Variants in LRRTM4 observed in about 807,000 individuals in gnomAD.
LRRTM4 encodes the protein leucine rich repeat transmembrane neuronal 4, also known as leucine-rich repeat transmembrane neuronal protein 4.
A neutral mutation model predicts 47.6 loss-of-function variants in LRRTM4; 25 were observed. The observed-to-expected ratio is 0.53, with a 90% confidence interval of 0.38 to 0.73. The LOEUF (loss-of-function observed/expected upper bound fraction) is 0.73. LRRTM4 is among the 30% of genes least tolerant of loss of function. The pLI, the probability that LRRTM4 is intolerant of heterozygous loss-of-function variation, is 0.00. For missense variants in LRRTM4, 638 were observed against 713.4 expected (o/e 0.89, Z 1.20); for synonymous variants, 311 against 269.5 (o/e 1.15, Z -1.51).
At chr2:77,046,240 T>C (rs975520968) in intron 3 of LRRTM4, among the ~76,000 whole-genome samples, 14 of 151,980 alleles carry the variant, frequency 9.2e-5, no homozygotes, top group Non-Finnish European at 1.8e-4. Flanking sequence ...CCTAAAAGAA[T>C]GGGTACTTAA....
chr2:77,332,217 T>G (rs1482555805), intron 3 of LRRTM4, among the ~76,000 whole-genome samples: 1 of 152,184 alleles, frequency 6.6e-6, no homozygotes, highest in African/African-American at 2.4e-5. Context: ...TTACTTGCAC[T>G]CTTTCCTCCA....
chr2:77,521,912 G>C (rs921788850), intron 1 of LRRTM4, 94 bp from the exon 2 acceptor site: 16 of 483,220 alleles, frequency 3.3e-5, no homozygotes, highest in Non-Finnish European at 4.8e-5. Context: ...AGGGTGGGAT[G>C]GTTGTGGGGG....
intron 3 of LRRTM4, among the ~76,000 whole-genome samples, chr2:76,944,597 G>C (rs1675261411): frequency 6.6e-6 from 1 of 152,034 alleles, no homozygotes; most frequent in Admixed American, 6.6e-5. Context: ...GGTATAAGGA[G>C]GTTCATCTAT....
In LRRTM4 at chr2:77,191,175, C is replaced by T. The variant is rs548546850; in HGVS notation, c.1551+327143G>A. Among the ~76,000 whole-genome samples, 3 of 152,092 alleles carry T rather than the reference C, an allele frequency of 2.0e-5. No individual in the cohort carries two copies. The East Asian group carries it at 5.8e-4, about 29-fold the overall frequency. On this transcript the variant is annotated intron_variant, in intron 3 of 3. Transcript: ENST00000409884. ...TTCAAATGTACACATAGGACATATT[C>T]TTTGAACTCCCACAAACAGAAATGA...
At chr2:77,386,366 A>T (rs1303142970) in intron 3 of LRRTM4, among the ~76,000 whole-genome samples, 1 of 152,188 alleles carries the variant, frequency 6.6e-6, no homozygotes, top group Non-Finnish European at 1.5e-5. Context: ...TAAAACAAAG[A>T]GAAATGCTGT....
chr2:76,984,933 C>T (rs146284413), intron 3 of LRRTM4, among the ~76,000 whole-genome samples: 66 of 152,016 alleles, frequency 4.3e-4, no homozygotes, highest in Non-Finnish European at 7.2e-4. Flanking sequence ...ATTATTAACT[C>T]GTTTCAGAGC....
At chr2:76,962,037 C>T (rs914267441) in intron 3 of LRRTM4, among the ~76,000 whole-genome samples, 4 of 151,152 alleles carry the variant, frequency 2.6e-5, no homozygotes, top group Admixed American at 6.6e-5. Context: ...CCAGAGCATG[C>T]TTCATGCATG....
At chr2:77,219,955 C>A (rs1674571881) in intron 3 of LRRTM4, among the ~76,000 whole-genome samples, 2 of 152,166 alleles carry the variant, frequency 1.3e-5, no homozygotes, top group South Asian at 4.1e-4. Context: ...GAGGCACCCC[C>A]CAGTAGGGGT....
intron 3 of LRRTM4, among the ~76,000 whole-genome samples, chr2:77,306,960 C>T (rs1209664437): frequency 7.6e-5 from 10 of 132,428 alleles, no homozygotes; most frequent in South Asian, 2.4e-4. Flanking sequence ...AGTGCAGTGG[C>T]GCGATCTCGG....
At chr2:76,912,394 T>C (rs1279854059) in intron 3 of LRRTM4, among the ~76,000 whole-genome samples, 2 of 152,214 alleles carry the variant, frequency 1.3e-5, no homozygotes, top group African/African-American at 4.8e-5. Context: ...TTCAGTTACA[T>C]TTCTTACAAA....
intron 3 of LRRTM4, among the ~76,000 whole-genome samples, chr2:77,146,623 C>A (rs1348119572): frequency 6.6e-6 from 1 of 152,062 alleles, no homozygotes; most frequent in Non-Finnish European, 1.5e-5. Context: ...AAATTCTTTC[C>A]TATTTCCATT....
intron 3 of LRRTM4, among the ~76,000 whole-genome samples, chr2:77,255,233 A>C (rs1385492780): frequency 6.6e-6 from 1 of 152,010 alleles, no homozygotes; most frequent in Non-Finnish European, 1.5e-5. Flanking sequence ...TATTAAGCCT[A>C]AATATGCATT....
intron 3 of LRRTM4, among the ~76,000 whole-genome samples, chr2:77,317,285 A>C (rs1677646266): frequency 6.6e-6 from 1 of 152,196 alleles, no homozygotes. Context: ...TGGACAAATA[A>C]TGTGAATATA....
intron 3 of LRRTM4, among the ~76,000 whole-genome samples, chr2:77,421,938 C>G (rs1023301820): frequency 6.6e-6 from 1 of 152,152 alleles, no homozygotes; most frequent in African/African-American, 2.4e-5. Flanking sequence ...ACTGTAACTA[C>G]TCTATGTTTA....
chr2:76,910,494 A>T (rs947164952), intron 3 of LRRTM4, among the ~76,000 whole-genome samples: 33 of 152,200 alleles, frequency 2.2e-4, no homozygotes, highest in Non-Finnish European at 4.1e-4. Context: ...CTTAAAGTAT[A>T]ATAATAAAAA....
At chr2:77,243,445 G>A (rs1393953543) in intron 3 of LRRTM4, among the ~76,000 whole-genome samples, 8 of 145,298 alleles carry the variant, frequency 5.5e-5, no homozygotes, top group Admixed American at 1.4e-4. Context: ...AAAAAAAAAA[G>A]ATAAATACTA....
intron 3 of LRRTM4, among the ~76,000 whole-genome samples, chr2:76,851,766 T>C (rs1672003881): frequency 6.6e-6 from 1 of 151,040 alleles, no homozygotes; most frequent in Admixed American, 6.6e-5. Flanking sequence ...TTTTTTTTTT[T>C]TTTTTTTTTG....
At chr2:76,766,095 A>G (rs1673443816) in intron 3 of LRRTM4, among the ~76,000 whole-genome samples, 1 of 152,210 alleles carries the variant, frequency 6.6e-6, no homozygotes, top group Non-Finnish European at 1.5e-5. Context: ...TTCTCCAGAG[A>G]AAGTACCTCT....
intron 3 of LRRTM4, among the ~76,000 whole-genome samples, chr2:76,785,033 C>T (rs2104176742): frequency 6.6e-6 from 1 of 152,168 alleles, no homozygotes; most frequent in South Asian, 2.1e-4. Flanking sequence ...AGTTGTCACT[C>T]TTATAATATG....
Sources: allele counts gnomAD v4.1 joint callset (sites outside exome capture counted in the v4.1 genomes callset), GRCh38; gene constraint gnomAD v4.1.1; transcripts MANE v1.5; gene names NCBI Gene and HGNC (gene_info 2026-07-23, HGNC 2026-07-21).